Variants in SDHC observed in about 807,000 individuals in gnomAD.
The protein encoded by SDHC is succinate dehydrogenase cytochrome b560 subunit, mitochondrial.
SDHC carries 11 observed loss-of-function variants against 22.6 expected under a neutral mutation model. The ratio of observed to expected loss-of-function variants is 0.49; its 90% CI spans 0.31 to 0.81. The LOEUF is 0.81. Among genes scored for constraint, SDHC ranks in the 30% least tolerant of loss-of-function variants. The pLI, the probability that SDHC is intolerant of heterozygous loss-of-function variation, is 0.05. For synonymous variants in SDHC, 80 were observed against 77.8 expected, an observed-to-expected ratio of 1.03 and a Z score of -0.15; for missense variants, 160 against 212.0, an observed-to-expected ratio of 0.75 and a Z score of 1.52.
chr1:161,340,486 A>T, intron 3 of SDHC, 108 bp from the exon 4 acceptor site: 1 of 973,530 alleles, frequency 1.0e-6, no homozygotes, highest in Non-Finnish European at 1.6e-6. Context: ...AAAAAAAAAG[A>T]AAAAAAAGTG....
intron 3 of SDHC, among the ~76,000 whole-genome samples, chr1:161,335,959 T>G (rs1240066339): frequency 1.3e-5 from 2 of 152,192 alleles, no homozygotes; most frequent in Non-Finnish European, 2.9e-5. Flanking sequence ...CATCTTGAGC[T>G]CTGCTACTCT....
At chr1:161,335,099 C>A (rs900581350) in intron 3 of SDHC, among the ~76,000 whole-genome samples, 2 of 152,060 alleles carry the variant, frequency 1.3e-5, no homozygotes, top group Non-Finnish European at 2.9e-5. Flanking sequence ...TTTGTTATGA[C>A]CTTGACGTTT....
chr1:161,330,483 G>T (rs975516023), intron 3 of SDHC, among the ~76,000 whole-genome samples: 1 of 152,258 alleles, frequency 6.6e-6, no homozygotes, highest in Non-Finnish European at 1.5e-5. Flanking sequence ...TGATTTCAAG[G>T]CCTGAGAATA....
intron 1 of SDHC, among the ~76,000 whole-genome samples, chr1:161,321,767 G>GA (rs1452017120): frequency 1.3e-5 from 2 of 152,162 alleles, no homozygotes; most frequent in Non-Finnish European, 2.9e-5. Flanking sequence ...TCAATGGTGT[G>GA]AGGGACATCA....
intron 5 of SDHC, among the ~76,000 whole-genome samples, chr1:161,359,850 A>G (rs1177904697): frequency 1.3e-5 from 2 of 152,082 alleles, no homozygotes; most frequent in Admixed American, 6.6e-5. Context: ...GTAGGATGTT[A>G]TAGGGTCTGT....
At chr1:161,337,430 T>A (rs1437274419) in intron 3 of SDHC, among the ~76,000 whole-genome samples, 1 of 152,136 alleles carries the variant, frequency 6.6e-6, no homozygotes, top group Non-Finnish European at 1.5e-5. Context: ...CCACACAGCA[T>A]GAGGAAGGAA....
At chr1:161,359,721 G>A (rs1185960679) in intron 5 of SDHC, among the ~76,000 whole-genome samples, 2 of 152,166 alleles carry the variant, frequency 1.3e-5, no homozygotes, top group Admixed American at 1.3e-4. Flanking sequence ...CTTCTAGCAA[G>A]TACTGGCTGT....
In SDHC at chr1:161,320,160, T is replaced by C. The variant is rs750528691; in HGVS notation, c.21-3454T>C. 3.9e-5 allele frequency among the ~76,000 whole-genome samples: 6 copies of C among 152,272 alleles called. No individual in the cohort carries two copies. In the South Asian group the frequency reaches 6.2e-4, roughly 16 times the overall value. The stretch of plus-strand genomic sequence containing the variant: ...TGAGAAACGAAGAGGATATAGACTA[T>C]AGCAATGGATTGGAATGAATTTTCC... On this transcript the variant is annotated intron_variant, in intron 1 of 5. Coordinates refer to ENST00000367975, the MANE Select transcript of SDHC (RefSeq NM_003001.5).
chr1:161,344,504 C>G (rs1463133707), intron 4 of SDHC, among the ~76,000 whole-genome samples: 2 of 152,016 alleles, frequency 1.3e-5, no homozygotes, highest in Non-Finnish European at 2.9e-5. Flanking sequence ...GTCTTTACCC[C>G]TTTGAATGGT....
chr1:161,316,638 A>AT (rs1670629081), intron 1 of SDHC, among the ~76,000 whole-genome samples: 1 of 152,084 alleles, frequency 6.6e-6, no homozygotes, highest in Non-Finnish European at 1.5e-5. Flanking sequence ...AGAAAGGTAT[A>AT]TTTTTCATTA....
chr1:161,358,032 C>CTTTTTTT (rs34253350), intron 5 of SDHC, among the ~76,000 whole-genome samples: 3 of 104,830 alleles, frequency 2.9e-5, no homozygotes, highest in African/African-American at 3.8e-5. Context: ...GGTTAGGAAT[C>CTTTTTTT]TTTTTTTTTT....
intron 3 of SDHC, among the ~76,000 whole-genome samples, chr1:161,337,499 G>A (rs746420930): frequency 2.0e-5 from 3 of 152,112 alleles, no homozygotes; most frequent in Non-Finnish European, 4.4e-5. Flanking sequence ...TGAGGCCGTC[G>A]GTCATCAAGT....
At chr1:161,321,305 GT>G (rs1301061407) in intron 1 of SDHC, among the ~76,000 whole-genome samples, 8 of 152,192 alleles carry the variant, frequency 5.3e-5, no homozygotes, top group Admixed American at 4.6e-4. Flanking sequence ...AAAATACAGA[GT>G]TCCTGTTTTC....
intron 5 of SDHC, 63 bp from the exon 6 acceptor site, chr1:161,362,266 G>A: frequency 6.4e-7 from 1 of 1,557,240 alleles, no homozygotes; most frequent in Non-Finnish European, 8.8e-7. Flanking sequence ...TACTTTCTGA[G>A]ACAGGAACTG....
intron 4 of SDHC, among the ~76,000 whole-genome samples, chr1:161,355,922 T>G (rs1413019627): frequency 6.7e-6 from 1 of 149,046 alleles, no homozygotes; most frequent in Non-Finnish European, 1.5e-5. Context: ...AGGCGGAGGT[T>G]GCAGTGAGCT....
chr1:161,331,425 C>T (rs1671267382), intron 3 of SDHC, among the ~76,000 whole-genome samples: 1 of 151,764 alleles, frequency 6.6e-6, no homozygotes, highest in Non-Finnish European at 1.5e-5. Flanking sequence ...TGTCACCACG[C>T]CCAGCTAATT....
At chr1:161,320,895 C>T (rs1354737667) in intron 1 of SDHC, among the ~76,000 whole-genome samples, 2 of 149,470 alleles carry the variant, frequency 1.3e-5, no homozygotes, top group African/African-American at 2.5e-5. Flanking sequence ...GGCCCAATCC[C>T]AGCTCACTGC....
rs541118247 is a variant in SDHC at position 161,324,438 on chromosome 1, A to C, written c.77+768A>C. Among the ~76,000 whole-genome samples, 12 of 152,356 alleles carry C rather than the reference A, an allele frequency of 7.9e-5. No individual in the cohort carries two copies. The South Asian group carries it at 2.5e-3, about 32-fold the overall frequency. On this transcript the variant is annotated intron_variant, in intron 2 of 5. Coordinates refer to ENST00000367975, the MANE Select transcript of SDHC (RefSeq NM_003001.5). ...TTATTCTCAGCCTGTTGATGTCAAC[A>C]ATTGCCTTTGTGTTATTTTTTAAAA...
Position 161,314,507 on chromosome 1 carries a change from T to C in SDHC, c.20+82T>C, listed in dbSNP as rs11265589. 107,409 of 1,532,706 alleles carry C rather than the reference T, an allele frequency of 0.07. 4,788 individuals carry two copies. The highest frequency in any genetic ancestry group is 0.16 in the South Asian group (14,560 of 88,978). 94.9% of individuals were successfully genotyped at this position (1,532,706 alleles called of 1,614,324 possible). On this transcript the variant is annotated intron_variant, in intron 1 of 5. Coordinates refer to ENST00000367975, the MANE Select transcript of SDHC (RefSeq NM_003001.5). ...CCCCTCACGTTTTGCTGATAACTGT[T>C]TATCCTGTGCCTGGGCAGGGAAAGG...
Sources: allele counts gnomAD v4.1 joint callset (sites outside exome capture counted in the v4.1 genomes callset), GRCh38; gene constraint gnomAD v4.1.1; transcripts MANE v1.5; gene names NCBI Gene and HGNC (gene_info 2026-07-23, HGNC 2026-07-21).